Variants in ADAMTSL3 observed in about 807,000 individuals in gnomAD.
The protein encoded by ADAMTSL3 is ADAMTS-like protein 3.
A neutral mutation model predicts 201.7 loss-of-function variants in ADAMTSL3; 128 were observed. The observed-to-expected ratio is 0.63, with a 90% confidence interval of 0.55 to 0.73. The LOEUF (loss-of-function observed/expected upper bound fraction) is 0.73, where lower values mean the gene tolerates loss of function less well. Among genes scored for constraint, ADAMTSL3 ranks in the 30% least tolerant of loss-of-function variants. The pLI is 0.00. For synonymous variants in ADAMTSL3, 738 were observed against 748.4 expected (o/e 0.99, Z 0.23); for missense variants, 1,990 against 2,119.6 (o/e 0.94, Z 1.20).
chr15:83,789,847 T>TA (rs1213518088), intron 4 of ADAMTSL3, among the ~76,000 whole-genome samples: 1 of 152,130 alleles, frequency 6.6e-6, no homozygotes, highest in Admixed American at 6.5e-5. Context: ...AATCTCTTTT[T>TA]AAACAGACTT....
chr15:83,664,584 T>C (rs759351058), intron 2 of ADAMTSL3, among the ~76,000 whole-genome samples: 1 of 152,236 alleles, frequency 6.6e-6, no homozygotes, highest in Non-Finnish European at 1.5e-5. Flanking sequence ...ATTTTTCCCA[T>C]CTCAGAAATG....
intron 8 of ADAMTSL3, among the ~76,000 whole-genome samples, chr15:83,870,541 T>C (rs1037177092): frequency 6.6e-6 from 1 of 152,174 alleles, no homozygotes; most frequent in Non-Finnish European, 1.5e-5. Context: ...AGAAAAGTTT[T>C]CTCTTTCCCC....
At chr15:83,748,649 C>CAAAAAAAAA in intron 3 of ADAMTSL3, among the ~76,000 whole-genome samples, 1 of 70,500 alleles carries the variant, frequency 1.4e-5, no homozygotes, top group South Asian at 6.2e-4. Context: ...GACCCTGTCT[C>CAAAAAAAAA]AAAAAAAAAA....
chr15:83,759,899 A>G (rs976606439), intron 3 of ADAMTSL3, among the ~76,000 whole-genome samples: 1 of 152,208 alleles, frequency 6.6e-6, no homozygotes, highest in Non-Finnish European at 1.5e-5. Flanking sequence ...TTTAGGGCCT[A>G]CAGAATCTGC....
At chr15:83,853,707 A>G (rs528932102) in intron 7 of ADAMTSL3, among the ~76,000 whole-genome samples, 13 of 152,236 alleles carry the variant, frequency 8.5e-5, no homozygotes, top group Non-Finnish European at 1.8e-4. Context: ...CTTTTCAAAT[A>G]TTTTACTTAG....
intron 23 of ADAMTSL3, among the ~76,000 whole-genome samples, chr15:83,998,053 C>G (rs1464595918): frequency 6.6e-6 from 1 of 151,880 alleles, no homozygotes; most frequent in African/African-American, 2.4e-5. Context: ...AAAAAACTCT[C>G]TCAAAATACG....
At chr15:83,720,637 G>A (rs887637515) in intron 3 of ADAMTSL3, among the ~76,000 whole-genome samples, 2 of 152,148 alleles carry the variant, frequency 1.3e-5, no homozygotes, top group Non-Finnish European at 2.9e-5. Context: ...TGTGTCAGTG[G>A]GCATTACACT....
intron 19 of ADAMTSL3, among the ~76,000 whole-genome samples, chr15:83,957,761 G>T (rs1230256941): frequency 1.3e-5 from 2 of 152,122 alleles, no homozygotes; most frequent in Non-Finnish European, 2.9e-5. Flanking sequence ...GTCTATAAAG[G>T]TATCAGTAAA....
intron 27 of ADAMTSL3, among the ~76,000 whole-genome samples, chr15:84,027,666 C>T (rs190687871): frequency 7.9e-5 from 12 of 151,896 alleles, no homozygotes; most frequent in Non-Finnish European, 1.5e-4. Context: ...GCTGAGACCA[C>T]GCCACTGCAC....
rs183674411 is a variant in ADAMTSL3, at chr15:83,741,176, A to G, written c.190-32347A>G. Among the ~76,000 whole-genome samples, 660 of 151,286 alleles carry G rather than the reference A, an allele frequency of 4.4e-3. 5 individuals are homozygous for G. Among genetic ancestry groups the G allele is most frequent in the African/African-American group, 0.015 (633 of 41,420 alleles). ...CATGGACCAAATACTAAAACTCTAA[A>G]TATATATTAATAGATAGCAATTAGT... On this transcript the variant is annotated intron_variant, in intron 3 of 29. Coordinates refer to ENST00000286744, the MANE Select transcript of ADAMTSL3 (RefSeq NM_207517.3).
intron 2 of ADAMTSL3, among the ~76,000 whole-genome samples, chr15:83,701,525 C>G (rs763850433): frequency 1.3e-5 from 2 of 152,198 alleles, no homozygotes; most frequent in African/African-American, 4.8e-5. Flanking sequence ...ATTGTGCTCT[C>G]ATAATTCCCA....
rs2066583138 is a variant in ADAMTSL3, at chr15:83,942,669, C to T, written c.2191C>T (p.Leu731=). The stretch of plus-strand genomic sequence containing the variant: ...AATTCAGACCCGAGATGTGTACTGC[C>T]TGCACCCAGGGGAGACCCCTGCCCC... ...VGIQTRDVYC[L]HPGETPAPPE... The change falls in exon 18 of 30, where the codon CTG becomes TTG. Residue 731 remains leucine (L), a synonymous_variant. Transcript: ENST00000286744. 1.2e-6 allele frequency: 2 copies of T among 1,614,132 alleles called. No individual in the cohort carries two copies. Among genetic ancestry groups the T allele is most frequent in the East Asian group, 4.5e-5 (2 of 44,864 alleles).
intron 23 of ADAMTSL3, among the ~76,000 whole-genome samples, chr15:84,012,223 A>AACTG (rs1326184663): frequency 2.0e-5 from 3 of 152,216 alleles, no homozygotes; most frequent in Non-Finnish European, 4.4e-5. Flanking sequence ...AGAATTGCTG[A>AACTG]ACTGACTGTT....
At chr15:83,900,099 TA>T (rs2065694974) in intron 15 of ADAMTSL3, among the ~76,000 whole-genome samples, 1 of 152,226 alleles carries the variant, frequency 6.6e-6, no homozygotes, top group Admixed American at 6.5e-5. Flanking sequence ...TCAATCTCTA[TA>T]AAATCAATTA....
At chr15:83,804,573 C>CTTTTTTTTTT (rs59422343) in intron 4 of ADAMTSL3, 77 bp from the exon 5 acceptor site, 3 of 655,958 alleles carry the variant, frequency 4.6e-6, no homozygotes, top group Non-Finnish European at 4.6e-6. Flanking sequence ...CTTGTATTTG[C>CTTTTTTTTTT]TTTTTTTTTT....
At chr15:83,755,001 C>T (rs1224111653) in intron 3 of ADAMTSL3, among the ~76,000 whole-genome samples, 1 of 152,214 alleles carries the variant, frequency 6.6e-6, no homozygotes, top group Non-Finnish European at 1.5e-5. Context: ...AATTTAATAT[C>T]GTATATGTTC....
rs537296586 is a variant in ADAMTSL3, at chr15:84,031,544, A to T, written c.4754+112A>T. The T allele has an allele frequency of 7.9e-5, 73 of 921,270 alleles. 1 individual carries two copies. The South Asian group carries it at 9.6e-4, about 12-fold the overall frequency. 57.1% of individuals were successfully genotyped at this position (921,270 alleles called of 1,614,324 possible). On this transcript the variant is annotated intron_variant, in intron 28 of 29. Coordinates refer to ENST00000286744, the MANE Select transcript of ADAMTSL3 (RefSeq NM_207517.3). ...TAGTTTCTACCAACTCTCATAATTG[A>T]CAGTTTTCAATTATGATTTATTTAG...
chr15:83,807,416 A>G (rs1177074749), intron 5 of ADAMTSL3, among the ~76,000 whole-genome samples: 1 of 152,194 alleles, frequency 6.6e-6, no homozygotes, highest in Non-Finnish European at 1.5e-5. Context: ...AGGTTGTGCC[A>G]TTGCACTCCA....
intron 3 of ADAMTSL3, chr15:83,739,634 G>A (rs1567111402): frequency 5.6e-6 from 1 of 177,034 alleles, no homozygotes; most frequent in Non-Finnish European, 1.2e-5. Context: ...CTGGTCCCAA[G>A]CATTCTGGAT....
Sources: gnomAD v4.1 joint callset for allele counts (sites outside exome capture counted in the v4.1 genomes callset) on GRCh38, gnomAD v4.1.1 for gene constraint, MANE v1.5 for transcripts, NCBI Gene and HGNC (gene_info 2026-07-23, HGNC 2026-07-21) for gene names.